The following TRIM44 variants were observed in gnomAD, a reference collection of about 807,000 sequenced individuals.
The protein encoded by TRIM44 is tripartite motif containing 44, also known as tripartite motif-containing protein 44.
In TRIM44, 13 loss-of-function variants were observed where a neutral mutation model predicts 37.4. The observed-to-expected ratio is 0.35, with a 90% CI of 0.23 to 0.55. The LOEUF (loss-of-function observed/expected upper bound fraction) is 0.55. Among genes scored for constraint, TRIM44 ranks in the 20% least tolerant of loss-of-function variants. TRIM44 has a pLI of 0.89. For missense variants in TRIM44, 426 were observed against 437.2 expected (o/e 0.97, Z 0.23); for synonymous variants, 175 against 157.2 (o/e 1.11, Z -0.85).
chr11:35,732,364 A>T lies in TRIM44; in HGVS notation c.988-3062A>T, dbSNP rs11825406. On this transcript the variant is annotated intron_variant, in intron 3 of 4. Coordinates refer to ENST00000299413, the MANE Select transcript of TRIM44 (RefSeq NM_017583.6). The stretch of plus-strand genomic sequence containing the variant: ...GGATTTGGGAGCAGTGCTTAATCTA[A>T]CAAGTCATTTAAATGGAAGTTGGTA... 1.8e-3 allele frequency among the ~76,000 whole-genome samples: 280 copies of T among 152,292 alleles called. 2 individuals carry two copies. The highest frequency in any genetic ancestry group is 6.5e-3 in the African/African-American group (269 of 41,570).
At chr11:35,768,389 T>C (rs1213152054) in intron 4 of TRIM44, among the ~76,000 whole-genome samples, 4 of 152,112 alleles carry the variant, frequency 2.6e-5, no homozygotes, top group Non-Finnish European at 4.4e-5. Context: ...TAGTTGAAGG[T>C]CACACAGCTA....
chr11:35,795,884 T>C (rs647764), intron 4 of TRIM44, among the ~76,000 whole-genome samples: 148,439 of 152,308 alleles, frequency 0.97, 72,410 homozygotes, highest in East Asian at 1. Flanking sequence ...TGAGCACTTA[T>C]TGTGTGATAG....
chr11:35,775,513 A>G (rs1197978782), intron 4 of TRIM44, among the ~76,000 whole-genome samples: 2 of 152,206 alleles, frequency 1.3e-5, no homozygotes, highest in East Asian at 3.8e-4. Context: ...TATGTTGAAT[A>G]GGAGTGGTGA....
intron 4 of TRIM44, among the ~76,000 whole-genome samples, chr11:35,741,405 A>C (rs1406838959): frequency 3.3e-5 from 5 of 152,186 alleles, no homozygotes; most frequent in Non-Finnish European, 7.3e-5. Flanking sequence ...CGTAAGAGTC[A>C]CAACTTTATT....
At chr11:35,714,395 T>C (rs1018558412) in intron 2 of TRIM44, among the ~76,000 whole-genome samples, 1 of 152,186 alleles carries the variant, frequency 6.6e-6, no homozygotes, top group Admixed American at 6.5e-5. Flanking sequence ...CTTTCTGAGC[T>C]TCAGAAGCAT....
intron 2 of TRIM44, among the ~76,000 whole-genome samples, chr11:35,702,213 AT>A (rs1255899585): frequency 1.3e-5 from 2 of 152,094 alleles, no homozygotes; most frequent in Non-Finnish European, 2.9e-5. Flanking sequence ...TGTCACCTTT[AT>A]TCCATTTTTA....
chr11:35,710,428 C>T (rs2135507554), intron 2 of TRIM44, among the ~76,000 whole-genome samples: 1 of 152,224 alleles, frequency 6.6e-6, no homozygotes, highest in East Asian at 1.9e-4. Flanking sequence ...ACCCTTTTAA[C>T]AAAGACAGAT....
In TRIM44 at chr11:35,670,535, C is replaced by G. The variant is rs541018975; in HGVS notation, c.669+6755C>G. The stretch of plus-strand genomic sequence containing the variant: ...TGGGAGAATATAATATTCTTCTACG[C>G]TTTGTTTTTTACACTTAGTACGTCT... On this transcript the variant is annotated intron_variant, in intron 1 of 4. Coordinates refer to ENST00000299413, the MANE Select transcript of TRIM44 (RefSeq NM_017583.6). Among the ~76,000 whole-genome samples, 5 of 152,246 alleles carry G rather than the reference C, an allele frequency of 3.3e-5. No individual in the cohort carries two copies. In the East Asian group the frequency reaches 7.7e-4, roughly 24 times the overall value.
At chr11:35,794,510 G>A (rs1047107425) in intron 4 of TRIM44, among the ~76,000 whole-genome samples, 1 of 152,138 alleles carries the variant, frequency 6.6e-6, no homozygotes, top group African/African-American at 2.4e-5. Flanking sequence ...CCTGTCCATG[G>A]GCCACGCCAT....
intron 4 of TRIM44, among the ~76,000 whole-genome samples, chr11:35,736,193 G>T (rs185119276): frequency 6.6e-6 from 1 of 152,198 alleles, no homozygotes; most frequent in African/African-American, 2.4e-5. Flanking sequence ...AGGCTGGGAA[G>T]TATCAGAATG....
Position 35,786,122 on chromosome 11 carries a change from A to G in TRIM44, c.1008-20236A>G, listed in dbSNP as rs550475586. ...TTTCCAAAACTTTTAATTTGAAATA[A>G]AACAAGTTACAACTATTATTTATAA... On this transcript the variant is annotated intron_variant, in intron 4 of 4. Coordinates refer to ENST00000299413, the MANE Select transcript of TRIM44 (RefSeq NM_017583.6). Among the ~76,000 whole-genome samples, 9 of 152,360 alleles carry G rather than the reference A, an allele frequency of 5.9e-5. No individual in the cohort carries two copies. The East Asian group carries it at 1.7e-3, about 29-fold the overall frequency.
intron 4 of TRIM44, among the ~76,000 whole-genome samples, chr11:35,794,779 G>A (rs1853259768): frequency 6.6e-6 from 1 of 152,184 alleles, no homozygotes; most frequent in Non-Finnish European, 1.5e-5. Flanking sequence ...TTATACGATT[G>A]TTTTGATCAT....
intron 1 of TRIM44, 142 bp downstream of exon 1, chr11:35,663,922 C>T: frequency 1.0e-6 from 1 of 982,000 alleles, no homozygotes; most frequent in Non-Finnish European, 1.5e-6. Context: ...AGTTCTTATT[C>T]ACCGTTTTTG....
chr11:35,714,429 A>T (rs1027864655), intron 2 of TRIM44, among the ~76,000 whole-genome samples: 2 of 152,152 alleles, frequency 1.3e-5, no homozygotes, highest in Non-Finnish European at 2.9e-5. Context: ...CCAGTCCTCA[A>T]ACCCCTTTCT....
At chr11:35,730,071 A>G (rs1264642971) in intron 3 of TRIM44, among the ~76,000 whole-genome samples, 1 of 152,248 alleles carries the variant, frequency 6.6e-6, no homozygotes, top group Non-Finnish European at 1.5e-5. Flanking sequence ...ATTAAAAGAC[A>G]AAGATTTTAA....
chr11:35,674,119 A>G (rs530535772), intron 1 of TRIM44, among the ~76,000 whole-genome samples: 19 of 152,176 alleles, frequency 1.2e-4, no homozygotes, highest in African/African-American at 4.3e-4. Context: ...AATGGATGAA[A>G]CAGAAGCTTT....
rs184352291 is a variant in TRIM44 at position 35,738,354 on chromosome 11, C to T, written c.1007+2909C>T. 2.9e-3 allele frequency among the ~76,000 whole-genome samples: 426 copies of T among 149,414 alleles called. 1 individual carries two copies. The highest frequency in any genetic ancestry group is 0.01 in the African/African-American group (400 of 39,180). On this transcript the variant is annotated intron_variant, in intron 4 of 4. Transcript: ENST00000299413. ...TCATTTTGACAAGATAATGGAAAGG[C>T]ATAGAGTTTCTTGTAACCAAGATGT...
intron 2 of TRIM44, among the ~76,000 whole-genome samples, chr11:35,688,930 T>G (rs796106757): frequency 6.6e-6 from 1 of 152,286 alleles, no homozygotes; most frequent in Non-Finnish European, 1.5e-5. Context: ...TTTCACTTCT[T>G]TGAACAAGTA....
intron 4 of TRIM44, among the ~76,000 whole-genome samples, chr11:35,800,287 AT>A (rs1461020720): frequency 6.6e-6 from 1 of 152,130 alleles, no homozygotes; most frequent in African/African-American, 2.4e-5. Context: ...GAGCAGCAAG[AT>A]TTATTATGAA....
Sources: gnomAD v4.1 joint callset for allele counts (sites outside exome capture counted in the v4.1 genomes callset) on GRCh38, gnomAD v4.1.1 for gene constraint, MANE v1.5 for transcripts, NCBI Gene and HGNC (gene_info 2026-07-23, HGNC 2026-07-21) for gene names.